Variants in MLKL observed in about 807,000 individuals in gnomAD.
MLKL encodes the protein mixed lineage kinase domain-like protein.
MLKL carries 55 observed loss-of-function variants against 56.5 expected under a neutral mutation model. The observed-to-expected ratio is 0.97, with a 90% confidence interval of 0.78 to 1.22. The LOEUF is 1.22. Among genes scored for constraint, MLKL ranks in the 50% most tolerant of loss-of-function variants. The probability of loss-of-function intolerance (pLI) is 0.00; values close to 1 mark genes in which losing one functional copy is unlikely to be tolerated. For missense variants in MLKL, 694 were observed against 573.9 expected, an observed-to-expected ratio of 1.21 and a Z score of -2.14; for synonymous variants, 251 against 208.3, an observed-to-expected ratio of 1.20 and a Z score of -1.76.
At chr16:74,673,312 G>A (rs567042422) in intron 10 of MLKL, among the ~76,000 whole-genome samples, 3 of 152,238 alleles carry the variant, frequency 2.0e-5, no homozygotes, top group African/African-American at 7.2e-5. Context: ...TTGCCTCTGG[G>A]GTTCAAGCAA....
intron 5 of MLKL, among the ~76,000 whole-genome samples, chr16:74,684,951 G>A (rs1340153852): frequency 1.3e-5 from 2 of 151,576 alleles, no homozygotes; most frequent in South Asian, 2.1e-4. Flanking sequence ...TGCAACCTCC[G>A]CTTCCCAGGT....
Position 74,691,324 on chromosome 16 carries a change from A to G in MLKL, c.675T>C (p.Ala225=), listed in dbSNP as rs545933093. Residue 225 remains alanine (A), a synonymous_variant, in exon 4 of 11, where the codon GCT becomes GCC. Transcript: ENST00000308807. ...STLYKGEYHR[A]PVAIKVFKKL... is the part of the protein sequence containing the mutation. Reference sequence around the variant, plus strand: ...TTTTGAATACTTTTATGGCCACTGGAGCTCTGTGGTATTCTCCTTTATAAA... The same window carrying G: ...TTTTGAATACTTTTATGGCCACTGGGGCTCTGTGGTATTCTCCTTTATAAA... The G allele has an allele frequency of 6.2e-7, 1 of 1,612,884 alleles. No individual in the cohort carries two copies. The highest frequency in any genetic ancestry group is 1.3e-5 in the African/African-American group (1 of 74,826).
chr16:74,699,466 G>T (rs770584830), intron 1 of MLKL, among the ~76,000 whole-genome samples: 12 of 152,066 alleles, frequency 7.9e-5, no homozygotes, highest in Admixed American at 7.2e-4. Context: ...ATTGTTTAAG[G>T]TCTTATTAAG....
intron 10 of MLKL, 32 bp from the exon 11 acceptor site, chr16:74,672,570 G>A: frequency 6.2e-7 from 1 of 1,609,184 alleles, no homozygotes; most frequent in East Asian, 2.2e-5. Flanking sequence ...ATTAGACCAG[G>A]GTAGGCAGCT....
chr16:74,685,840 T>A (rs910677056), intron 4 of MLKL, among the ~76,000 whole-genome samples: 7 of 152,216 alleles, frequency 4.6e-5, no homozygotes, highest in Non-Finnish European at 8.8e-5. Context: ...AATAGTCTGA[T>A]AGAATTGTAT....
At chr16:74,686,462 A>T (rs1438211084) in intron 4 of MLKL, among the ~76,000 whole-genome samples, 4 of 152,198 alleles carry the variant, frequency 2.6e-5, no homozygotes, top group Non-Finnish European at 4.4e-5. Flanking sequence ...GGGCGCCTGT[A>T]GCCCCAGCTA....
intron 1 of MLKL, among the ~76,000 whole-genome samples, chr16:74,699,781 C>T (rs537393719): frequency 6.6e-6 from 1 of 151,734 alleles, no homozygotes; most frequent in Non-Finnish European, 1.5e-5. Flanking sequence ...CCAAAAAATA[C>T]AAAAAAAATT....
intron 2 of MLKL, among the ~76,000 whole-genome samples, chr16:74,693,453 C>CAAAAAAAAAAAA (rs71158538): frequency 5.8e-5 from 2 of 34,200 alleles, no homozygotes; most frequent in East Asian, 9.1e-4. Context: ...GACTCTGTCT[C>CAAAAAAAAAAAA]AAAAAAAAAA....
At chr16:74,682,254 T>C (rs1028675712) in intron 6 of MLKL, among the ~76,000 whole-genome samples, 1 of 152,160 alleles carries the variant, frequency 6.6e-6, no homozygotes, top group African/African-American at 2.4e-5. Context: ...TCTCAAAACA[T>C]AAAATAAAAT....
chr16:74,695,647 G>A lies in MLKL; in HGVS notation c.111C>T (p.Gly37=). The part of the protein sequence containing the change: ...QCRRLGHRVL[G]LIKPLEMLQD... ...GGAGCATCTCCAGAGGCTTGATCAGGCCGAGGACGCGGTGGCCCAGGCGCC... is the reference window on the plus strand; with the variant it reads ...GGAGCATCTCCAGAGGCTTGATCAGACCGAGGACGCGGTGGCCCAGGCGCC... Residue 37 remains glycine (G), a synonymous_variant, in exon 2 of 11, where the codon GGC becomes GGT. Transcript: ENST00000308807. The A allele has an allele frequency of 1.9e-6, 3 of 1,614,156 alleles. No individual in the cohort carries two copies. The highest frequency in any genetic ancestry group is 2.5e-6 in the Non-Finnish European group (3 of 1,180,038).
Position 74,691,449 on chromosome 16 carries a change from A to T in MLKL, c.550T>A (p.Cys184Ser). 6.2e-7 allele frequency: 1 copy of T among 1,612,880 alleles called. No individual in the cohort carries two copies. Among genetic ancestry groups the T allele is most frequent in the Non-Finnish European group, 8.5e-7 (1 of 1,179,736 alleles). The change falls in exon 4 of 11, where the codon TGC becomes AGC. Residue 184 changes from cysteine (C) to serine (S), a missense_variant. Coordinates refer to ENST00000308807, the MANE Select transcript of MLKL (RefSeq NM_152649.4). ...ETLRQYLPPK[C>S]MQEIPQEQIK... is the part of the protein sequence containing the mutation. ...TGCTCTTGCGGGATCTCCTGCATGCATTTTGGTGGTAAATCTGACCTCACC... is the reference window on the plus strand; with the variant it reads ...TGCTCTTGCGGGATCTCCTGCATGCTTTTTGGTGGTAAATCTGACCTCACC...
chr16:74,682,634 T>A lies in MLKL; in HGVS notation c.956+17A>T, dbSNP rs1960053178. On this transcript the variant is annotated intron_variant, in intron 6 of 10. Coordinates refer to ENST00000308807, the MANE Select transcript of MLKL (RefSeq NM_152649.4). Reference sequence around the variant, plus strand: ...GACCCATCCAACCCTTAGTGGCGCCTTTTCACCCCGTCTTACCGGTATAGG... The same window carrying A: ...GACCCATCCAACCCTTAGTGGCGCCATTTCACCCCGTCTTACCGGTATAGG... 1 of 1,612,646 alleles carries A rather than the reference T, an allele frequency of 6.2e-7. No individual in the cohort carries two copies. Among genetic ancestry groups the A allele is most frequent in the African/African-American group, 1.3e-5 (1 of 74,846 alleles).
intron 7 of MLKL, chr16:74,678,512 G>A (rs1959745803): frequency 1.1e-5 from 2 of 185,474 alleles, no homozygotes; most frequent in South Asian, 2.2e-4. Flanking sequence ...GGCCGGGCAT[G>A]GTGGCTCATG....
At chr16:74,683,957 A>T (rs976857965) in intron 5 of MLKL, among the ~76,000 whole-genome samples, 5 of 151,830 alleles carry the variant, frequency 3.3e-5, no homozygotes, top group Non-Finnish European at 7.4e-5. Flanking sequence ...TTTATTTTTT[A>T]ATTTTTTTGA....
rs1959265019 is a variant in MLKL, at chr16:74,672,129, TAC to T, written c.*373_*374del. ...TTGAAACCTAGGCTTGGAACTGGCA[TAC>T]AGTCACTTCTTCCACATTCTATTGA... is the stretch of plus-strand genomic sequence containing the variant. On this transcript the variant is annotated 3_prime_UTR_variant, in exon 11 of 11. Coordinates refer to ENST00000308807, the MANE Select transcript of MLKL (RefSeq NM_152649.4). The T allele has an allele frequency of 5.6e-6, 1 of 177,652 alleles. No homozygotes were observed. Among genetic ancestry groups the T allele is most frequent in the Non-Finnish European group, 1.2e-5 (1 of 83,950 alleles). 11.0% of individuals were successfully genotyped at this position (177,652 alleles called of 1,614,324 possible). A position where few individuals can be genotyped will look rare whatever the true frequency, so the allele number is the denominator to read the frequency against.
intron 5 of MLKL, 29 bp from the exon 6 acceptor site, chr16:74,682,815 G>A: frequency 1.2e-6 from 2 of 1,612,450 alleles, no homozygotes; most frequent in Non-Finnish European, 1.7e-6. Context: ...ACACTATGAG[G>A]ACCCGCCCTA....
intron 1 of MLKL, 42 bp from the exon 2 acceptor site, chr16:74,695,801 C>T (rs766217147): frequency 6.7e-7 from 1 of 1,503,108 alleles, no homozygotes; most frequent in Non-Finnish European, 9.0e-7. Context: ...CCCAAATCTC[C>T]TGCATATTCA....
chr16:74,694,123 A>G (rs1200194751), intron 2 of MLKL, among the ~76,000 whole-genome samples: 1 of 152,180 alleles, frequency 6.6e-6, no homozygotes, highest in Non-Finnish European at 1.5e-5. Context: ...GAAGAAATAG[A>G]ACAATGTGCT....
At chr16:74,697,478 C>T (rs1447244970) in intron 1 of MLKL, among the ~76,000 whole-genome samples, 2 of 152,262 alleles carry the variant, frequency 1.3e-5, no homozygotes, top group East Asian at 3.9e-4. Context: ...CTAGATCTCT[C>T]AATTCACCTA....
Sources: allele counts gnomAD v4.1 joint callset (sites outside exome capture counted in the v4.1 genomes callset), GRCh38; gene constraint gnomAD v4.1.1; transcripts MANE v1.5; gene names NCBI Gene and HGNC (gene_info 2026-07-23, HGNC 2026-07-21).